Variants in PPP1R13B observed in about 807,000 individuals in gnomAD.
The protein encoded by PPP1R13B is protein phosphatase 1 regulatory subunit 13B.
A neutral mutation model predicts 119.8 loss-of-function variants in PPP1R13B; 44 were observed. The observed-to-expected ratio is 0.37, with a 90% CI of 0.29 to 0.47. The LOEUF is 0.47. PPP1R13B is among the 20% of genes least tolerant of loss of function. The pLI, the probability that PPP1R13B is intolerant of heterozygous loss-of-function variation, is 0.99. For missense variants in PPP1R13B, 1,227 were observed against 1,413.5 expected (o/e 0.87, Z 2.12); for synonymous variants, 542 against 561.5 (o/e 0.97, Z 0.49).
At position 103,739,865 on chromosome 14, in the gene PPP1R13B, C is replaced by A. The variant is rs1163233460; in HGVS notation, c.2551G>T (p.Ala851Ser). The change falls in exon 12 of 17, where the codon GCA becomes TCA. Residue 851 changes from alanine to serine, a missense_variant. Ala to Ser is a moderately conservative substitution (Grantham distance 99). Coordinates refer to ENST00000202556, the MANE Select transcript of PPP1R13B (RefSeq NM_015316.3). The part of the protein sequence containing the change: ...PSPGEEQVPP[A>S]PLPPASHPPA... ...GGGTGGCTGGCAGGGGGAAGAGGTG[C>A]TGGAGGGACCTGCTCTTCCCCTGGA... The A allele has an allele frequency of 6.2e-7, 1 of 1,613,454 alleles. No homozygotes were observed. The highest frequency in any genetic ancestry group is 8.5e-7 in the Non-Finnish European group (1 of 1,179,818).
intron 1 of PPP1R13B, among the ~76,000 whole-genome samples, chr14:103,844,872 C>T (rs553745658): frequency 6.6e-6 from 1 of 152,358 alleles, no homozygotes; most frequent in Admixed American, 6.5e-5. Context: ...ATGTGCTAGT[C>T]TGAGCTGAGG....
At chr14:103,757,204 C>T (rs1282680347) in intron 5 of PPP1R13B, among the ~76,000 whole-genome samples, 1 of 152,056 alleles carries the variant, frequency 6.6e-6, no homozygotes, top group Non-Finnish European at 1.5e-5. Context: ...GGACCACAGC[C>T]ACATGCCACC....
chr14:103,746,239 G>A (rs955492300), intron 9 of PPP1R13B, 134 bp downstream of exon 9: 5 of 940,914 alleles, frequency 5.3e-6, no homozygotes, highest in South Asian at 2.1e-5. Flanking sequence ...AGCGCCTCAC[G>A]GGGAGACTGA....
intron 1 of PPP1R13B, among the ~76,000 whole-genome samples, chr14:103,810,015 C>A (rs973270371): frequency 1.3e-5 from 2 of 151,080 alleles, no homozygotes; most frequent in African/African-American, 4.8e-5. Flanking sequence ...TTAGTAGAGA[C>A]GGGGTTTCAC....
intron 1 of PPP1R13B, among the ~76,000 whole-genome samples, chr14:103,839,289 G>C (rs2086848536): frequency 6.6e-6 from 1 of 151,896 alleles, no homozygotes; most frequent in Admixed American, 6.6e-5. Flanking sequence ...TGGGATTACA[G>C]GCGTGAGCCA....
At chr14:103,804,832 T>C (rs969623244) in intron 1 of PPP1R13B, among the ~76,000 whole-genome samples, 8 of 152,088 alleles carry the variant, frequency 5.3e-5, no homozygotes, top group African/African-American at 1.9e-4. Flanking sequence ...AACCTTCATA[T>C]ATTGGTGATG....
intron 1 of PPP1R13B, among the ~76,000 whole-genome samples, chr14:103,835,912 A>AT (rs1014771968): frequency 4.6e-5 from 7 of 151,128 alleles, no homozygotes; most frequent in African/African-American, 1.5e-4. Flanking sequence ...CTGGCCTTTA[A>AT]TTTTTTTTAA....
rs544654379 is a variant in PPP1R13B at position 103,808,365 on chromosome 14, C to A, written c.10-10847G>T. The stretch of plus-strand genomic sequence containing the variant: ...TTGCTCTAAAGCAGGGGTGTCCCAA[C>A]TTTGGGCTTCCCTGGGCCACACTGG... On this transcript the variant is annotated intron_variant, in intron 1 of 16. Coordinates refer to ENST00000202556, the MANE Select transcript of PPP1R13B (RefSeq NM_015316.3). 2.3e-4 allele frequency among the ~76,000 whole-genome samples: 35 copies of A among 152,248 alleles called. No individual in the cohort carries two copies. In the South Asian group the frequency reaches 7.3e-3, roughly 32 times the overall value.
chr14:103,793,488 G>A (rs924558609), intron 2 of PPP1R13B, among the ~76,000 whole-genome samples: 1 of 152,142 alleles, frequency 6.6e-6, no homozygotes, highest in African/African-American at 2.4e-5. Context: ...TGTCATGATT[G>A]TAAGTTTCCT....
At chr14:103,801,304 T>G (rs2085895201) in intron 1 of PPP1R13B, among the ~76,000 whole-genome samples, 1 of 152,194 alleles carries the variant, frequency 6.6e-6, no homozygotes, top group Non-Finnish European at 1.5e-5. Flanking sequence ...AAGAGTCTAA[T>G]GTAATGATCA....
chr14:103,744,404 CTCTT>C (rs781614257), intron 9 of PPP1R13B, among the ~76,000 whole-genome samples: 19 of 152,232 alleles, frequency 1.2e-4, no homozygotes, highest in Non-Finnish European at 2.2e-4. Context: ...TGGTGTCACA[CTCTT>C]TCTAAGGATG....
chr14:103,742,608 CTGT>C lies in PPP1R13B; in HGVS notation c.1320+43_1320+45del. 1 of 1,594,704 alleles carries C rather than the reference CTGT, an allele frequency of 6.3e-7. No homozygotes were observed. Among genetic ancestry groups the C allele is most frequent in the East Asian group, 2.2e-5 (1 of 44,690 alleles). On this transcript the variant is annotated intron_variant, in intron 10 of 16. Transcript: ENST00000202556. The surrounding 1 kb of genome is among the most constrained non-coding windows in gnomAD (Gnocchi z 4.9). The stretch of plus-strand genomic sequence containing the variant: ...CTTAGTACTAAGGCAGAAGAGAGCC[CTGT>C]TGAAGAGCCCGCTTGTGTTCTGTGG...
Position 103,784,830 on chromosome 14 carries a change from C to G in PPP1R13B, c.242G>C (p.Arg81Pro). 6.2e-7 allele frequency: 1 copy of G among 1,609,472 alleles called. No homozygotes were observed. Residue 81 changes from arginine to proline, a missense_variant, in exon 3 of 17, where the codon CGA becomes CCA. Coordinates refer to ENST00000202556, the MANE Select transcript of PPP1R13B (RefSeq NM_015316.3). ...GTTCTCAGTTGGGGAGTCCTCGTGT[C>G]GAAGGAAAAATTTCACTTCTTCCCT... ...PRREEVKFFL[R>P]HEDSPTENSE...
chr14:103,846,815 T>C (rs1175838014), intron 1 of PPP1R13B: 1 of 461,700 alleles, frequency 2.2e-6, no homozygotes. Flanking sequence ...CTAAGATGGC[T>C]CTCCAAATCC....
rs973141282 is a variant in PPP1R13B, at chr14:103,843,599, T to A, written c.9+3700A>T. The stretch of plus-strand genomic sequence containing the variant: ...TGATAAAAAGGTGAGTGACTACCAA[T>A]AACAACAACAAAAAAATACTATTTT... On this transcript the variant is annotated intron_variant, in intron 1 of 16. Coordinates refer to ENST00000202556, the MANE Select transcript of PPP1R13B (RefSeq NM_015316.3). 4.6e-5 allele frequency among the ~76,000 whole-genome samples: 7 copies of A among 152,230 alleles called. No homozygotes were observed. The East Asian group carries it at 1.4e-3, about 29-fold the overall frequency.
upstream of PPP1R13B, chr14:103,848,276 G>T (rs1024367782): frequency 1.0e-6 from 1 of 985,404 alleles, no homozygotes; most frequent in Non-Finnish European, 1.2e-6. Context: ...GCCCACCTGC[G>T]CCAGCATCCC....
intron 1 of PPP1R13B, among the ~76,000 whole-genome samples, chr14:103,808,128 C>T (rs2086061884): frequency 6.6e-6 from 1 of 151,844 alleles, no homozygotes; most frequent in African/African-American, 2.4e-5. Context: ...GCCTATAATC[C>T]CAGCTACTCA....
chr14:103,769,745 A>G (rs1208733886), intron 4 of PPP1R13B, among the ~76,000 whole-genome samples: 1 of 152,224 alleles, frequency 6.6e-6, no homozygotes, highest in African/African-American at 2.4e-5. Flanking sequence ...AGTAGGTTTT[A>G]CTTGCCCATT....
At chr14:103,767,981 A>C (rs2084974404) in intron 4 of PPP1R13B, among the ~76,000 whole-genome samples, 2 of 152,202 alleles carry the variant, frequency 1.3e-5, no homozygotes, top group South Asian at 4.1e-4. Context: ...AAAATCTGAG[A>C]GGAGACTTCA....
Sources: gnomAD v4.1 joint callset for allele counts (sites outside exome capture counted in the v4.1 genomes callset) on GRCh38, gnomAD v4.1.1 for gene constraint, Gnocchi (gnomAD v3.1) non-coding constraint, MANE v1.5 for transcripts, NCBI Gene and HGNC (gene_info 2026-07-23, HGNC 2026-07-21) for gene names.